Variants in WDR76 observed in about 807,000 individuals in gnomAD.
WDR76 encodes WD repeat domain 76.
A neutral mutation model predicts 70.2 loss-of-function variants in WDR76; 52 were observed. The ratio of observed to expected loss-of-function variants is 0.74; its 90% CI spans 0.59 to 0.93. WDR76 has a LOEUF of 0.93. Ranked by LOEUF, WDR76 falls within the 40% of genes least tolerant of loss-of-function variation. WDR76 has a pLI of 0.00. For synonymous variants in WDR76, 292 were observed against 271.1 expected (o/e 1.08, Z -0.76); for missense variants, 756 against 760.2 (o/e 0.99, Z 0.07).
intron 2 of WDR76, among the ~76,000 whole-genome samples, chr15:43,829,407 C>T (rs1396160936): frequency 6.6e-6 from 1 of 151,514 alleles, no homozygotes; most frequent in Non-Finnish European, 1.5e-5. Context: ...TATGCTTTCT[C>T]GTCCCAGAGT....
At chr15:43,850,595 A>G (rs1378502184) in intron 8 of WDR76, among the ~76,000 whole-genome samples, 1 of 152,058 alleles carries the variant, frequency 6.6e-6, no homozygotes, top group East Asian at 1.9e-4. Context: ...GCGCCCGGCC[A>G]TTTTTATGGT....
At chr15:43,831,889 A>G (rs1196322828) in intron 2 of WDR76, among the ~76,000 whole-genome samples, 1 of 150,276 alleles carries the variant, frequency 6.7e-6, no homozygotes, top group Non-Finnish European at 1.5e-5. Flanking sequence ...GCTGGAATGT[A>G]GTGGTGCGAT....
At chr15:43,861,832 AT>A (rs898404641) in intron 12 of WDR76, among the ~76,000 whole-genome samples, 2,878 of 104,794 alleles carry the variant, frequency 0.027, 32 homozygotes, top group African/African-American at 0.057. Flanking sequence ...GTATTTGTGT[AT>A]TTTTTTTTTT....
At chr15:43,849,911 T>G (rs747666307) in intron 8 of WDR76, among the ~76,000 whole-genome samples, 2 of 152,136 alleles carry the variant, frequency 1.3e-5, no homozygotes, top group Non-Finnish European at 2.9e-5. Flanking sequence ...GAAAATTTTA[T>G]TTTTCTAGAA....
chr15:43,841,209 T>TG lies in WDR76; in HGVS notation c.733-1206_733-1205insG, dbSNP rs1567185239. On this transcript the variant is annotated intron_variant, in intron 5 of 12. Coordinates refer to ENST00000263795, the MANE Select transcript of WDR76 (RefSeq NM_024908.4). ...CTAAGTTTTGTTTTTTTGTTTTTTT[T>TG]TTTTTTTTTTTGAGACGGAGTCTCA... Among the ~76,000 whole-genome samples the TG allele has an allele frequency of 8.9e-3, 1,300 of 146,836 alleles. 16 individuals carry two copies. Among genetic ancestry groups the TG allele is most frequent in the African/African-American group, 0.03 (1,226 of 40,270 alleles).
At chr15:43,827,906 A>G (rs2087536716) in intron 1 of WDR76, 59 bp from the exon 2 acceptor site, 19 of 1,467,420 alleles carry the variant, frequency 1.3e-5, no homozygotes, top group Non-Finnish European at 1.7e-5. Flanking sequence ...GGGATCCTGT[A>G]AGAAAAGGCA....
intron 5 of WDR76, among the ~76,000 whole-genome samples, chr15:43,842,097 A>G (rs1457073449): frequency 6.6e-6 from 1 of 152,056 alleles, no homozygotes; most frequent in Non-Finnish European, 1.5e-5. Flanking sequence ...CGAACTCCTG[A>G]CCTTGTGATC....
intron 9 of WDR76, among the ~76,000 whole-genome samples, chr15:43,855,915 T>G (rs908772525): frequency 6.6e-6 from 1 of 152,058 alleles, no homozygotes; most frequent in African/African-American, 2.4e-5. Flanking sequence ...TAAATCTGCC[T>G]GTTGTTCATT....
In WDR76 at chr15:43,866,495, G is replaced by A; in HGVS notation, c.*103G>A. The stretch of plus-strand genomic sequence containing the variant: ...TTTATGTGGTAATGTGTTACATTTA[G>A]CAATTATAACATTGTTTTATTAATA... On this transcript the variant is annotated 3_prime_UTR_variant, in exon 13 of 13. Coordinates refer to ENST00000263795, the MANE Select transcript of WDR76 (RefSeq NM_024908.4). 1 of 1,312,544 alleles carries A rather than the reference G, an allele frequency of 7.6e-7. No individual in the cohort carries two copies. Among genetic ancestry groups the A allele is most frequent in the Non-Finnish European group, 1.1e-6 (1 of 943,072 alleles). The allele number at this position is 1,312,544 out of a possible 1,614,324, so 81.3% of individuals were successfully genotyped here.
chr15:43,867,481 G>A lies in WDR76; in HGVS notation c.*1089G>A, dbSNP rs911907823. On this transcript the variant is annotated 3_prime_UTR_variant, in exon 13 of 13. Coordinates refer to ENST00000263795, the MANE Select transcript of WDR76 (RefSeq NM_024908.4). ...AAGAACAGAAAATATATTTGAGTAAGTATTGTTTGGTAAAACTTAGTTACA... is the reference window on the plus strand; with the variant it reads ...AAGAACAGAAAATATATTTGAGTAAATATTGTTTGGTAAAACTTAGTTACA... 1 of 151,900 alleles carries A rather than the reference G, an allele frequency of 6.6e-6. No individual in the cohort carries two copies. Among genetic ancestry groups the A allele is most frequent in the Admixed American group, 6.6e-5 (1 of 15,262 alleles). The allele number at this position is 151,900 out of a possible 1,614,324, so 9.4% of individuals were successfully genotyped here.
intron 9 of WDR76, among the ~76,000 whole-genome samples, chr15:43,854,328 CAG>C (rs1482306731): frequency 6.6e-6 from 1 of 152,146 alleles, no homozygotes; most frequent in African/African-American, 2.4e-5. Flanking sequence ...TCAGCACTGA[CAG>C]AGGCCGAGGA....
At chr15:43,844,613 CAA>C (rs35536883) in intron 8 of WDR76, among the ~76,000 whole-genome samples, 5 of 91,490 alleles carry the variant, frequency 5.5e-5, no homozygotes, top group South Asian at 3.6e-4. Context: ...GACTCCGTCT[CAA>C]AAAAAAAAAA....
intron 5 of WDR76, among the ~76,000 whole-genome samples, chr15:43,840,830 A>C (rs1346431425): frequency 6.6e-6 from 1 of 151,940 alleles, no homozygotes; most frequent in Admixed American, 6.6e-5. Flanking sequence ...AAAATACAAA[A>C]ATCAGCTGGG....
In WDR76 at chr15:43,852,703, A is replaced by C. The variant is rs181276741; in HGVS notation, c.1191+1458A>C. Among the ~76,000 whole-genome samples, 15 of 152,274 alleles carry C rather than the reference A, an allele frequency of 9.9e-5. No homozygotes were observed. In the East Asian group the frequency reaches 2.9e-3, roughly 29 times the overall value. On this transcript the variant is annotated intron_variant, in intron 9 of 12. Transcript: ENST00000263795. ...TCTTCTGGACATTTCATATAAATGA[A>C]ATCATACAATTTGTGGTCTTTTGTG...
intron 2 of WDR76, among the ~76,000 whole-genome samples, chr15:43,834,202 T>C (rs1340478640): frequency 6.6e-6 from 1 of 152,160 alleles, no homozygotes; most frequent in East Asian, 1.9e-4. Flanking sequence ...AAAAATTAGC[T>C]TACTGTTACA....
chr15:43,831,958 A>G (rs1167878954), intron 2 of WDR76, among the ~76,000 whole-genome samples: 1 of 151,590 alleles, frequency 6.6e-6, no homozygotes, highest in Non-Finnish European at 1.5e-5. Context: ...CATATTGGCC[A>G]GGCTGGTCTC....
intron 5 of WDR76, 48 bp downstream of exon 5, chr15:43,839,776 A>G (rs757174366): frequency 5.4e-5 from 83 of 1,528,304 alleles, no homozygotes; most frequent in Non-Finnish European, 7.1e-5. Context: ...AAATACTGAA[A>G]AATTTGAAGT....
chr15:43,852,558 G>A (rs2087874494), intron 9 of WDR76, among the ~76,000 whole-genome samples: 1 of 152,098 alleles, frequency 6.6e-6, no homozygotes, highest in South Asian at 2.1e-4. Flanking sequence ...TTTTAGTAGG[G>A]ACGGGGTTTC....
chr15:43,860,820 G>A (rs1320366856), intron 11 of WDR76, among the ~76,000 whole-genome samples: 3 of 150,314 alleles, frequency 2.0e-5, no homozygotes, highest in Non-Finnish European at 4.4e-5. Context: ...TGATTTCTAC[G>A]CTAAACTATA....
Sources: gnomAD v4.1 joint callset for allele counts (sites outside exome capture counted in the v4.1 genomes callset) on GRCh38, gnomAD v4.1.1 for gene constraint, MANE v1.5 for transcripts, NCBI Gene and HGNC (gene_info 2026-07-23, HGNC 2026-07-21) for gene names.